Variants in DPP9 observed in about 807,000 individuals in gnomAD.
DPP9 encodes dipeptidyl peptidase IV-related protein-2.
Under a neutral mutation model 110.7 loss-of-function variants are expected in DPP9, and 50 were observed. The observed-to-expected ratio is 0.45, with a 90% CI of 0.36 to 0.57. The LOEUF (loss-of-function observed/expected upper bound fraction) is 0.57. Ranked by LOEUF, DPP9 falls within the 20% of genes least tolerant of loss-of-function variation. DPP9 has a pLI of 0.00. For synonymous variants in DPP9, 561 were observed against 514.4 expected, an observed-to-expected ratio of 1.09 and a Z score of -1.23; for missense variants, 1,022 against 1,217.9, an observed-to-expected ratio of 0.84 and a Z score of 2.39.
intron 4 of DPP9, among the ~76,000 whole-genome samples, chr19:4,709,366 G>T (rs1355632581): frequency 6.6e-6 from 1 of 152,114 alleles, no homozygotes; most frequent in Non-Finnish European, 1.5e-5. Context: ...AGATTAACAG[G>T]GTTCCTTTTA....
chr19:4,717,174 C>T (rs1420485300), intron 3 of DPP9, among the ~76,000 whole-genome samples: 2 of 152,184 alleles, frequency 1.3e-5, no homozygotes, highest in Non-Finnish European at 1.5e-5. Context: ...CCAGAAGGGG[C>T]GCAGTTTGTT....
In DPP9 at chr19:4,685,457, G is replaced by A. The variant is rs1390186880; in HGVS notation, c.2031+169C>T. 2 of 767,818 alleles carry A rather than the reference G, an allele frequency of 2.6e-6. No homozygotes were observed. Among genetic ancestry groups the A allele is most frequent in the Admixed American group, 4.3e-5 (2 of 46,744 alleles). The allele number at this position is 767,818 out of a possible 1,614,324, so 47.6% of individuals were successfully genotyped here. A position where few individuals can be genotyped will look rare whatever the true frequency, so the allele number is the denominator to read the frequency against. On this transcript the variant is annotated intron_variant, in intron 17 of 21. Coordinates refer to ENST00000262960, the MANE Select transcript of DPP9 (RefSeq NM_139159.5). The surrounding 1 kb of genome is among the most constrained non-coding windows in gnomAD (Gnocchi z 5.8). ...ACGGGCACAGAGAAAGGAGGGTGAG[G>A]GGCCCCGAGGACCCTGTGTAGTCAG...
rs1244795183 is a variant in DPP9 at position 4,676,133 on chromosome 19, A to T, written c.*431T>A. On this transcript the variant is annotated 3_prime_UTR_variant, in exon 22 of 22. Coordinates refer to ENST00000262960, the MANE Select transcript of DPP9 (RefSeq NM_139159.5). This position sits in a 1 kb window ranked among gnomAD's most constrained non-coding sequence, Gnocchi z 4.0. ...ACAAAACACAAACATCAAGTTGGGG[A>T]GGCTGGCCGGGGGGGACAGGCAATT... 1 of 176,828 alleles carries T rather than the reference A, an allele frequency of 5.7e-6. No homozygotes were observed. Among genetic ancestry groups the T allele is most frequent in the African/African-American group, 2.4e-5 (1 of 42,062 alleles). The allele number at this position is 176,828 out of a possible 1,614,324, so 11.0% of individuals were successfully genotyped here.
chr19:4,677,070 G>A lies in DPP9; in HGVS notation c.2587-414C>T, dbSNP rs543377070. Among the ~76,000 whole-genome samples the A allele has an allele frequency of 5.3e-5, 8 of 152,298 alleles. No homozygotes were observed. In the South Asian group the frequency reaches 1.7e-3, roughly 32 times the overall value. Reference sequence around the variant, plus strand: ...TCGAGCCATTTCCACTTTACCAAAAGGCATGTGACTAGCTCTGGGCCTTAG... The same window carrying A: ...TCGAGCCATTTCCACTTTACCAAAAAGCATGTGACTAGCTCTGGGCCTTAG... On this transcript the variant is annotated intron_variant, in intron 21 of 21. Coordinates refer to ENST00000262960, the MANE Select transcript of DPP9 (RefSeq NM_139159.5).
chr19:4,683,867 C>T, intron 18 of DPP9: 1 of 1,479,416 alleles, frequency 6.8e-7, no homozygotes, highest in Non-Finnish European at 9.1e-7. Context: ...GCCACGTCCC[C>T]TCTGAGGGCG....
Position 4,690,972 on chromosome 19 carries a change from A to G in DPP9, c.1517-15T>C. The G allele has an allele frequency of 6.2e-7, 1 of 1,605,736 alleles. No homozygotes were observed. ...CTTAAATTCATCTGGAAAGAAAGAA[A>G]GAAGGGAGGTGAAGGGGCCTGGGAG... On this transcript the variant is annotated splice_polypyrimidine_tract_variant and intron_variant, in intron 13 of 21. Coordinates refer to ENST00000262960, the MANE Select transcript of DPP9 (RefSeq NM_139159.5).
At chr19:4,721,345 C>T (rs972681694) in intron 2 of DPP9, among the ~76,000 whole-genome samples, 1 of 152,222 alleles carries the variant, frequency 6.6e-6, no homozygotes, top group Non-Finnish European at 1.5e-5. Context: ...TGGTCCTCAA[C>T]AAACATTTCA....
intron 2 of DPP9, chr19:4,722,105 T>C (rs2093349754): frequency 9.9e-6 from 2 of 202,704 alleles, no homozygotes; most frequent in South Asian, 1.0e-4. Context: ...ACAGCTAGCA[T>C]TGTCAACTAA....
chr19:4,713,401 G>A (rs1266613945), intron 4 of DPP9, among the ~76,000 whole-genome samples: 6 of 152,236 alleles, frequency 3.9e-5, no homozygotes, highest in Admixed American at 6.5e-5. Context: ...AGCCTAACCC[G>A]TGCCCTGAAG....
Position 4,695,569 on chromosome 19 carries a change from T to G in DPP9, c.1176-14A>C. On this transcript the variant is annotated splice_polypyrimidine_tract_variant and intron_variant, in intron 11 of 21. Transcript: ENST00000262960. The surrounding 1 kb of genome is among the most constrained non-coding windows in gnomAD (Gnocchi z 4.7). ...ATGGCCCAGGCGCTAAGGGGGAAGA[T>G]GCGGGGGAAGATGAGAGGGAAGCTG... The G allele has an allele frequency of 2.8e-6, 4 of 1,445,008 alleles. No individual in the cohort carries two copies. Among genetic ancestry groups the G allele is most frequent in the Non-Finnish European group, 1.8e-6 (2 of 1,098,466 alleles). The allele number at this position is 1,445,008 out of a possible 1,614,324, so 89.5% of individuals were successfully genotyped here. A position where few individuals can be genotyped will look rare whatever the true frequency, so the allele number is the denominator to read the frequency against.
At chr19:4,677,683 C>T (rs1054147911) in intron 21 of DPP9, among the ~76,000 whole-genome samples, 2 of 152,230 alleles carry the variant, frequency 1.3e-5, no homozygotes, top group Non-Finnish European at 2.9e-5. Flanking sequence ...GGGCCCACTC[C>T]TTCCCCAGCC....
At chr19:4,713,634 C>T (rs753328561) in intron 4 of DPP9, among the ~76,000 whole-genome samples, 5 of 152,222 alleles carry the variant, frequency 3.3e-5, no homozygotes, top group South Asian at 2.1e-4. Context: ...CGCACCTCCA[C>T]GGCGAGCTCC....
In DPP9 at chr19:4,703,998, G is replaced by A; in HGVS notation, c.657C>T (p.Asp219=). Residue 219 remains aspartate, a synonymous_variant, in exon 7 of 22, where the codon GAC becomes GAT. Transcript: ENST00000262960. The part of the protein sequence containing the change: ...IKTQCSGPRM[D]PKICPADPAF... ...CAGGGTCGGCAGGGCAGATTTTGGG[G>A]TCCATCCGGGGCCCTGAGCACTGGG... The A allele has an allele frequency of 6.2e-7, 1 of 1,614,034 alleles. No individual in the cohort carries two copies. The highest frequency in any genetic ancestry group is 8.5e-7 in the Non-Finnish European group (1 of 1,179,892).
chr19:4,700,888 C>T lies in DPP9; in HGVS notation c.1013-611G>A, dbSNP rs1037606621. On this transcript the variant is annotated intron_variant, in intron 9 of 21. Transcript: ENST00000262960. The surrounding 1 kb of genome is among the most constrained non-coding windows in gnomAD (Gnocchi z 4.3). ...CTACGAGAAACTCAACTCCAGCCCT[C>T]GTGGCTCTGGCCTCCAGGGCAGGTG... Among the ~76,000 whole-genome samples the T allele has an allele frequency of 5.3e-5, 8 of 152,168 alleles. No individual in the cohort carries two copies. The highest frequency in any genetic ancestry group is 9.7e-5 in the African/African-American group (4 of 41,436).
In DPP9 at chr19:4,716,569, G is replaced by A. The variant is rs147549415; in HGVS notation, c.57-2232C>T. Among the ~76,000 whole-genome samples, 980 of 152,084 alleles carry A rather than the reference G, an allele frequency of 6.4e-3. 16 individuals are homozygous for A. Among genetic ancestry groups the A allele is most frequent in the African/African-American group, 0.023 (935 of 41,496 alleles). ...GGAGAATGGCGTGAACCCGGGAGGC[G>A]GAGCTTGCAGTGAGCCGAGATCGTG... On this transcript the variant is annotated intron_variant, in intron 3 of 21. Transcript: ENST00000262960.
rs2093426241 is a variant in DPP9 at position 4,723,775 on chromosome 19, GA to G, written c.-191del. On this transcript the variant is annotated 5_prime_UTR_variant, in exon 1 of 22. Transcript: ENST00000262960. ...GGGACTGCGACCCCGGAAGTGGCGG[GA>G]GCGGGGGACGACAGCCGCGGCGGAC... 1 of 154,348 alleles carries G rather than the reference GA, an allele frequency of 6.5e-6. No homozygotes were observed. Among genetic ancestry groups the G allele is most frequent in the African/African-American group, 2.4e-5 (1 of 41,506 alleles). 9.6% of individuals were successfully genotyped at this position (154,348 alleles called of 1,614,324 possible).
At position 4,684,409 on chromosome 19, in the gene DPP9, C is replaced by T. The variant is rs1156461775; in HGVS notation, c.2178+254G>A. The T allele has an allele frequency of 1.5e-5, 8 of 530,902 alleles. No individual in the cohort carries two copies. Among genetic ancestry groups the T allele is most frequent in the Admixed American group, 3.3e-5 (1 of 29,880 alleles). 32.9% of individuals were successfully genotyped at this position (530,902 alleles called of 1,614,324 possible). The stretch of plus-strand genomic sequence containing the variant: ...CAGTGCAAAGGGGCCGAGATGATCG[C>T]CATCACCACCGTCGTCATCACCAGT... On this transcript the variant is annotated intron_variant, in intron 18 of 21. Coordinates refer to ENST00000262960, the MANE Select transcript of DPP9 (RefSeq NM_139159.5). The surrounding 1 kb of genome is among the most constrained non-coding windows in gnomAD (Gnocchi z 4.8).
intron 3 of DPP9, 70 bp from the exon 4 acceptor site, chr19:4,714,407 C>T: frequency 7.0e-7 from 1 of 1,437,230 alleles, no homozygotes; most frequent in African/African-American, 1.4e-5. Context: ...AATGCTGCCC[C>T]TTGCGAGGCA....
chr19:4,720,914 G>T (rs541469330), intron 2 of DPP9, among the ~76,000 whole-genome samples: 13 of 152,332 alleles, frequency 8.5e-5, no homozygotes, highest in African/African-American at 3.1e-4. Context: ...CAGCTCCTGG[G>T]ATTCACCTCC....
Sources: allele counts gnomAD v4.1 joint callset (sites outside exome capture counted in the v4.1 genomes callset), GRCh38; gene constraint gnomAD v4.1.1; non-coding constraint Gnocchi (gnomAD v3.1); transcripts MANE v1.5; gene names NCBI Gene and HGNC (gene_info 2026-07-23, HGNC 2026-07-21).